The following THSD7B variants were observed in gnomAD, a reference collection of about 807,000 sequenced individuals.
The protein encoded by THSD7B is thrombospondin type 1 domain containing 7B.
A neutral mutation model predicts 213.6 loss-of-function variants in THSD7B; 138 were observed. That is an observed-to-expected ratio of 0.65 (90% confidence interval 0.56 to 0.74). THSD7B has a LOEUF of 0.74. Ranked by LOEUF, THSD7B falls within the 30% of genes least tolerant of loss-of-function variation. The probability of loss-of-function intolerance (pLI) is 0.00; values close to 1 mark genes in which losing one functional copy is unlikely to be tolerated. For synonymous variants in THSD7B, 742 were observed against 687.0 expected, an observed-to-expected ratio of 1.08 and a Z score of -1.25; for missense variants, 1,931 against 1,991.5, an observed-to-expected ratio of 0.97 and a Z score of 0.58.
At chr2:137,585,411 A>G (rs1331593055) in intron 17 of THSD7B, among the ~76,000 whole-genome samples, 1 of 152,094 alleles carries the variant, frequency 6.6e-6, no homozygotes, top group African/African-American at 2.4e-5. Flanking sequence ...TTGCTTCTCT[A>G]GTCTTTAAAT....
At chr2:136,815,047 T>C (rs1476404866) in intron 1 of THSD7B, among the ~76,000 whole-genome samples, 1 of 152,248 alleles carries the variant, frequency 6.6e-6, no homozygotes, top group South Asian at 2.1e-4. Flanking sequence ...ATGGCTACTA[T>C]TGAGCTATAA....
rs143860867 is a variant in THSD7B at position 137,288,276 on chromosome 2, C to A, written c.2500+12250C>A. ...ATACAAAAGTTGTGAAACAATGCTTCTTTATGCCAACCATGTCATGAAAAA... is the reference window on the plus strand; with the variant it reads ...ATACAAAAGTTGTGAAACAATGCTTATTTATGCCAACCATGTCATGAAAAA... On this transcript the variant is annotated intron_variant, in intron 12 of 27. Transcript: ENST00000409968. 1.2e-3 allele frequency among the ~76,000 whole-genome samples: 183 copies of A among 152,166 alleles called. 1 individual carries two copies. Among genetic ancestry groups the A allele is most frequent in the African/African-American group, 3.9e-3 (162 of 41,546 alleles).
intron 5 of THSD7B, among the ~76,000 whole-genome samples, chr2:137,122,464 G>C (rs921338992): frequency 2.0e-5 from 3 of 152,148 alleles, no homozygotes; most frequent in Admixed American, 2.0e-4. Context: ...CCCAGAGGAA[G>C]CAGGCCATGT....
At chr2:137,523,983 A>T (rs76677417) in intron 15 of THSD7B, among the ~76,000 whole-genome samples, 6,557 of 152,008 alleles carry the variant, frequency 0.043, 216 homozygotes, top group Non-Finnish European at 0.069. Context: ...AGTTTAATGG[A>T]TTTTTTTTCC....
At chr2:137,376,802 C>T (rs531573736) in intron 12 of THSD7B, among the ~76,000 whole-genome samples, 20 of 152,130 alleles carry the variant, frequency 1.3e-4, no homozygotes, top group Non-Finnish European at 2.4e-4. Context: ...AGACTTCATT[C>T]AGCATAAAAC....
At chr2:137,596,258 T>G (rs986511200) in intron 17 of THSD7B, among the ~76,000 whole-genome samples, 5 of 151,934 alleles carry the variant, frequency 3.3e-5, no homozygotes, top group Non-Finnish European at 7.4e-5. Context: ...AATGTAGCTA[T>G]TAACTAACTG....
chr2:137,056,669 AGT>A lies in THSD7B; in HGVS notation c.395_396del (p.Val132AspfsTer25). On this transcript the variant is annotated frameshift_variant, in exon 3 of 28. Coordinates refer to ENST00000409968, the MANE Select transcript of THSD7B (RefSeq NM_001316349.2). LOFTEE classifies it high-confidence loss of function. Reference sequence around the variant, plus strand: ...GGTGAAGTCAAGCCTCGGACTGCAGAGTGTGTGACGGCTCAGCATGGACTGCA... The same window carrying A: ...GGTGAAGTCAAGCCTCGGACTGCAGAGTGTGACGGCTCAGCATGGACTGCA... The A allele has an allele frequency of 6.2e-7, 1 of 1,613,950 alleles. No homozygotes were observed. The highest frequency in any genetic ancestry group is 8.5e-7 in the Non-Finnish European group (1 of 1,179,888).
chr2:137,168,741 G>A (rs934605474), intron 6 of THSD7B, among the ~76,000 whole-genome samples: 11 of 152,190 alleles, frequency 7.2e-5, no homozygotes, highest in African/African-American at 2.4e-4. Flanking sequence ...CTCATGCCAT[G>A]TCTTGCTCAA....
At chr2:137,305,860 G>A (rs2104853032) in intron 12 of THSD7B, among the ~76,000 whole-genome samples, 1 of 152,230 alleles carries the variant, frequency 6.6e-6, no homozygotes, top group South Asian at 2.1e-4. Flanking sequence ...ATACACCTAA[G>A]GCTATATGGT....
chr2:137,179,531 A>G (rs563693667), intron 7 of THSD7B, among the ~76,000 whole-genome samples: 39 of 152,028 alleles, frequency 2.6e-4, no homozygotes, highest in Non-Finnish European at 5.0e-4. Flanking sequence ...AGGTTTACAC[A>G]TTCTGTACCT....
At chr2:137,477,430 A>C (rs1688216507) in intron 15 of THSD7B, among the ~76,000 whole-genome samples, 1 of 152,104 alleles carries the variant, frequency 6.6e-6, no homozygotes, top group South Asian at 2.1e-4. Context: ...GGCAGCATAT[A>C]ATTGAGTCAT....
chr2:137,498,014 G>A (rs1679611789), intron 15 of THSD7B, among the ~76,000 whole-genome samples: 1 of 152,102 alleles, frequency 6.6e-6, no homozygotes, highest in Non-Finnish European at 1.5e-5. Context: ...CACTATACAA[G>A]GACTTGTGGC....
chr2:137,509,578 A>C (rs1330971095), intron 15 of THSD7B, among the ~76,000 whole-genome samples: 1 of 151,866 alleles, frequency 6.6e-6, no homozygotes, highest in Non-Finnish European at 1.5e-5. Context: ...TAATTCTTTG[A>C]ACATATTTTC....
chr2:137,232,696 G>A (rs1681667363), intron 8 of THSD7B, among the ~76,000 whole-genome samples: 1 of 152,128 alleles, frequency 6.6e-6, no homozygotes, highest in South Asian at 2.1e-4. Context: ...TTGTTATTTA[G>A]TGGAAAGGAG....
intron 4 of THSD7B, among the ~76,000 whole-genome samples, chr2:137,114,290 A>G (rs892878): frequency 0.54 from 81,876 of 152,086 alleles, 24,464 homozygotes; most frequent in Non-Finnish European, 0.66. Context: ...AGGTTATACT[A>G]CTGCTGTGGG....
chr2:137,129,100 C>G (rs1688678499), intron 5 of THSD7B, among the ~76,000 whole-genome samples: 1 of 152,014 alleles, frequency 6.6e-6, no homozygotes, highest in South Asian at 2.1e-4. Flanking sequence ...AATTCTTTGT[C>G]AAAGAACCTT....
intron 10 of THSD7B, among the ~76,000 whole-genome samples, chr2:137,271,260 A>C (rs1682725754): frequency 1.3e-5 from 2 of 150,998 alleles, no homozygotes; most frequent in African/African-American, 4.9e-5. Context: ...AGCCGTACTC[A>C]CATACCTTCC....
rs6720732 is a variant in THSD7B at position 137,292,979 on chromosome 2, C to A, written c.2500+16953C>A. On this transcript the variant is annotated intron_variant, in intron 12 of 27. Transcript: ENST00000409968. Reference sequence around the variant, plus strand: ...GTTTGTGGAACTATGAATCAAATTGCGTGCCCTCTCCTTGCCATGGGATAG... The same window carrying A: ...GTTTGTGGAACTATGAATCAAATTGAGTGCCCTCTCCTTGCCATGGGATAG... Among the ~76,000 whole-genome samples the A allele has an allele frequency of 1.2e-4, 19 of 152,154 alleles. No homozygotes were observed. In the East Asian group the frequency reaches 1.9e-3, roughly 15 times the overall value.
intron 2 of THSD7B, among the ~76,000 whole-genome samples, chr2:137,050,676 AT>A (rs1425371525): frequency 6.6e-6 from 1 of 152,012 alleles, no homozygotes; most frequent in Non-Finnish European, 1.5e-5. Context: ...TTGCTGTTGA[AT>A]TTTTCTGAGA....
Sources: allele counts gnomAD v4.1 joint callset (sites outside exome capture counted in the v4.1 genomes callset), GRCh38; gene constraint gnomAD v4.1.1; transcripts MANE v1.5; gene names NCBI Gene and HGNC (gene_info 2026-07-23, HGNC 2026-07-21).